Variants in ARMH4 observed in about 807,000 individuals in gnomAD.
ARMH4 encodes the protein armadillo like helical domain containing 4.
In ARMH4, 49 loss-of-function variants were observed where a neutral mutation model predicts 61.9. The observed-to-expected ratio is 0.79, with a 90% confidence interval of 0.63 to 1.00. The LOEUF is 1.00. Ranked by LOEUF, ARMH4 falls within the 50% of genes least tolerant of loss-of-function variation. The pLI is 0.00. For missense variants in ARMH4, 934 were observed against 930.0 expected (o/e 1.00, Z -0.06); for synonymous variants, 368 against 341.5 (o/e 1.08, Z -0.85).
chr14:58,020,692 C>T (rs991737523), intron 5 of ARMH4, among the ~76,000 whole-genome samples: 20 of 152,198 alleles, frequency 1.3e-4, no homozygotes, highest in Non-Finnish European at 2.2e-4. Context: ...ACTTTTCCAA[C>T]TCAGTCCTGT....
At chr14:58,051,154 G>A (rs1208463646) in intron 5 of ARMH4, among the ~76,000 whole-genome samples, 1 of 151,264 alleles carries the variant, frequency 6.6e-6, no homozygotes, top group Non-Finnish European at 1.5e-5. Flanking sequence ...TTATGTTCTT[G>A]CCAATGATCA....
chr14:58,032,738 G>A (rs1175821456), intron 5 of ARMH4, among the ~76,000 whole-genome samples: 1 of 152,030 alleles, frequency 6.6e-6, no homozygotes, highest in Non-Finnish European at 1.5e-5. Flanking sequence ...TGCCTCACCT[G>A]GGAAGCGCAA....
intron 1 of ARMH4, among the ~76,000 whole-genome samples, chr14:58,147,958 C>G (rs906415660): frequency 3.9e-5 from 6 of 152,182 alleles, no homozygotes; most frequent in Non-Finnish European, 7.3e-5. Context: ...TAAGGCAACC[C>G]CATACCACTG....
intron 5 of ARMH4, among the ~76,000 whole-genome samples, chr14:58,081,057 G>C (rs1039204224): frequency 2.0e-5 from 3 of 151,988 alleles, no homozygotes; most frequent in Non-Finnish European, 4.4e-5. Context: ...AGCCAAGATT[G>C]TGCCACTGTA....
At chr14:58,109,407 G>T (rs890859693) in intron 4 of ARMH4, among the ~76,000 whole-genome samples, 6 of 152,178 alleles carry the variant, frequency 3.9e-5, no homozygotes, top group African/African-American at 1.4e-4. Context: ...TCACTCTGCA[G>T]TGCAATTTTC....
chr14:58,133,837 G>A (rs954896353), intron 2 of ARMH4, among the ~76,000 whole-genome samples: 11 of 152,150 alleles, frequency 7.2e-5, no homozygotes, highest in Non-Finnish European at 1.3e-4. Flanking sequence ...AACACCATGC[G>A]AAGTGCATGA....
At chr14:58,143,573 C>T (rs1440801943) in intron 1 of ARMH4, among the ~76,000 whole-genome samples, 1 of 152,170 alleles carries the variant, frequency 6.6e-6, no homozygotes, top group East Asian at 1.9e-4. Context: ...AAGTGATTCT[C>T]CTGCCTCAGC....
At chr14:58,024,321 T>A (rs982679918) in intron 5 of ARMH4, among the ~76,000 whole-genome samples, 1 of 152,338 alleles carries the variant, frequency 6.6e-6, no homozygotes, top group Admixed American at 6.5e-5. Flanking sequence ...TTTTATATTA[T>A]GGAGGCAGCT....
At chr14:58,055,641 C>T (rs1884325154) in intron 5 of ARMH4, among the ~76,000 whole-genome samples, 2 of 152,146 alleles carry the variant, frequency 1.3e-5, no homozygotes, top group Admixed American at 1.3e-4. Context: ...CATCTGGGAG[C>T]TTGTTAAAAT....
chr14:58,125,835 C>T (rs1000782722), intron 4 of ARMH4, among the ~76,000 whole-genome samples: 1 of 152,190 alleles, frequency 6.6e-6, no homozygotes, highest in Non-Finnish European at 1.5e-5. Flanking sequence ...ACAGGACTAG[C>T]TGGGTTTCCT....
At chr14:58,011,765 G>GA (rs745515042) in intron 6 of ARMH4, among the ~76,000 whole-genome samples, 3,950 of 95,584 alleles carry the variant, frequency 0.041, 91 homozygotes, top group East Asian at 0.1. Flanking sequence ...TCTCATATTA[G>GA]AAAAAAAAAA....
intron 1 of ARMH4, among the ~76,000 whole-genome samples, chr14:58,151,638 GCGAT>G (rs1887925058): frequency 6.6e-6 from 1 of 152,254 alleles, no homozygotes; most frequent in Admixed American, 6.5e-5. Flanking sequence ...TGGGGACACT[GCGAT>G]CGACGGTTTG....
chr14:58,077,016 GC>G (rs1479635599), intron 5 of ARMH4, among the ~76,000 whole-genome samples: 1 of 152,116 alleles, frequency 6.6e-6, no homozygotes, highest in Non-Finnish European at 1.5e-5. Context: ...GCTTAGCTTG[GC>G]CCCTTCTGAA....
chr14:58,051,781 C>T (rs968609564), intron 5 of ARMH4, among the ~76,000 whole-genome samples: 2 of 152,108 alleles, frequency 1.3e-5, no homozygotes, highest in Non-Finnish European at 2.9e-5. Flanking sequence ...CCTCCAGGCT[C>T]CAAGCTTAGT....
At position 58,096,800 on chromosome 14, in the gene ARMH4, TC is replaced by T. The variant is rs764366524; in HGVS notation, c.2012del (p.Gly671GlufsTer27). 1.2e-6 allele frequency: 2 copies of T among 1,614,092 alleles called. No individual in the cohort carries two copies. The highest frequency in any genetic ancestry group is 3.3e-5 in the Admixed American group (2 of 59,992). The stretch of plus-strand genomic sequence containing the variant: ...TAGCTCCCTCCAACAGGTCCATGTT[TC>T]CCTCCTCTAAGCCTGGTTCCTGGGA... ...ITSQEPGLEE[G>X]NMDLLEGATY... On this transcript the variant is annotated frameshift_variant, in exon 5 of 8. Transcript: ENST00000267485. LOFTEE classifies it high-confidence loss of function.
chr14:58,117,970 C>G (rs1438441180), intron 4 of ARMH4, among the ~76,000 whole-genome samples: 2 of 151,948 alleles, frequency 1.3e-5, no homozygotes, highest in Non-Finnish European at 2.9e-5. Flanking sequence ...CACTATGTTT[C>G]CCAGACTAGT....
At chr14:58,011,858 G>A (rs1409551648) in intron 6 of ARMH4, among the ~76,000 whole-genome samples, 2 of 151,730 alleles carry the variant, frequency 1.3e-5, no homozygotes, top group East Asian at 1.9e-4. Flanking sequence ...ATTATTCTGT[G>A]GAGCATATCA....
intron 1 of ARMH4, among the ~76,000 whole-genome samples, chr14:58,139,712 T>C (rs1439465981): frequency 6.6e-6 from 1 of 152,240 alleles, no homozygotes; most frequent in Non-Finnish European, 1.5e-5. Context: ...GAAGTCACAT[T>C]TGCAATATTC....
chr14:58,070,438 A>T lies in ARMH4; in HGVS notation c.2089+26286T>A, dbSNP rs74735916. On this transcript the variant is annotated intron_variant, in intron 5 of 7. Coordinates refer to ENST00000267485, the MANE Select transcript of ARMH4 (RefSeq NM_001001872.4). The stretch of plus-strand genomic sequence containing the variant: ...GAGCAACTAAGAGTCACCCAAGACC[A>T]CACCATAAATTAATAGCAAGGCTAG... 3.9e-3 allele frequency among the ~76,000 whole-genome samples: 591 copies of T among 152,330 alleles called. 7 individuals carry two copies. Among genetic ancestry groups the T allele is most frequent in the African/African-American group, 0.013 (551 of 41,568 alleles).
Sources: gnomAD v4.1 joint callset for allele counts (sites outside exome capture counted in the v4.1 genomes callset) on GRCh38, gnomAD v4.1.1 for gene constraint, MANE v1.5 for transcripts, NCBI Gene and HGNC (gene_info 2026-07-23, HGNC 2026-07-21) for gene names.